PRKN: variants seen among roughly 807,000 people sequenced by gnomAD.
PRKN encodes the protein parkin RBR E3 ubiquitin protein ligase.
In PRKN, 56 loss-of-function variants were observed where a neutral mutation model predicts 59.5. The ratio of observed to expected loss-of-function variants is 0.94; its 90% CI spans 0.76 to 1.18. PRKN has a LOEUF of 1.18. PRKN is among the 50% of genes most tolerant of loss of function. The pLI, the probability that PRKN is intolerant of heterozygous loss-of-function variation, is 0.00. For missense variants in PRKN, 657 were observed against 596.4 expected (o/e 1.10, Z -1.06); for synonymous variants, 250 against 222.1 (o/e 1.13, Z -1.12).
chr6:161,357,177 A>G lies in PRKN; in HGVS notation c.1285+2911T>C, dbSNP rs545223216. The stretch of plus-strand genomic sequence containing the variant: ...AGTAATTCTCCTGCCTCAGGTTCCC[A>G]AGCAGTTGGGACTACAGGCATGTAC... On this transcript the variant is annotated intron_variant, in intron 11 of 11. Coordinates refer to ENST00000366898, the MANE Select transcript of PRKN (RefSeq NM_004562.3). The surrounding 1 kb of genome is among the most constrained non-coding windows in gnomAD (Gnocchi z 5.5). 1.7e-4 allele frequency among the ~76,000 whole-genome samples: 26 copies of G among 150,282 alleles called. No individual in the cohort carries two copies. Among genetic ancestry groups the G allele is most frequent in the African/African-American group, 6.4e-4 (26 of 40,794 alleles).
At chr6:162,500,956 G>A (rs543703920) in intron 1 of PRKN, among the ~76,000 whole-genome samples, 21 of 152,182 alleles carry the variant, frequency 1.4e-4, no homozygotes, top group African/African-American at 4.6e-4. Context: ...GCTTGAGGCC[G>A]GGAGTTTGAG....
At chr6:162,321,817 C>T (rs777549948) in intron 2 of PRKN, among the ~76,000 whole-genome samples, 20 of 151,914 alleles carry the variant, frequency 1.3e-4, no homozygotes, top group Admixed American at 6.6e-5. Flanking sequence ...CTGTCTTATA[C>T]AGTCCCACAG....
chr6:162,328,602 T>C (rs1783421257), intron 2 of PRKN, among the ~76,000 whole-genome samples: 2 of 152,156 alleles, frequency 1.3e-5, no homozygotes, highest in South Asian at 4.1e-4. Context: ...ACGTATCTTA[T>C]AAGTGCTGAG....
rs951463434 is a variant in PRKN, at chr6:161,414,327, C to A, written c.1084-27450G>T. 1.4e-4 allele frequency among the ~76,000 whole-genome samples: 22 copies of A among 152,272 alleles called. No homozygotes were observed. The highest frequency in any genetic ancestry group is 4.8e-4 in the African/African-American group (20 of 41,544). ...AGCGGCCAGTCTCTGTGTTCTCGGG[C>A]GCTCTGTGTCAGGTCCTGGTATTTA... On this transcript the variant is annotated intron_variant, in intron 9 of 11. Transcript: ENST00000366898. The surrounding 1 kb of genome is among the most constrained non-coding windows in gnomAD (Gnocchi z 5.3).
chr6:162,622,600 A>C (rs917027666), intron 1 of PRKN, among the ~76,000 whole-genome samples: 2 of 152,156 alleles, frequency 1.3e-5, no homozygotes, highest in Non-Finnish European at 2.9e-5. Context: ...TTCTAAATAC[A>C]GTTTTTCCCT....
rs554495976 is a variant in PRKN at position 161,696,000 on chromosome 6, A to G, written c.871+89772T>C. Among the ~76,000 whole-genome samples, 104 of 152,368 alleles carry G rather than the reference A, an allele frequency of 6.8e-4. 1 individual carries two copies. The highest frequency in any genetic ancestry group is 3.4e-3 in the Middle Eastern group (1 of 294). On this transcript the variant is annotated intron_variant, in intron 7 of 11. Coordinates refer to ENST00000366898, the MANE Select transcript of PRKN (RefSeq NM_004562.3). ...AGGCCATGCATTCTCATATCTGCATAGAACATCCAAGCATTACATACGTCT... is the reference window on the plus strand; with the variant it reads ...AGGCCATGCATTCTCATATCTGCATGGAACATCCAAGCATTACATACGTCT...
At chr6:162,448,856 CCTT>C (rs762253497) in intron 1 of PRKN, among the ~76,000 whole-genome samples, 22 of 150,550 alleles carry the variant, frequency 1.5e-4, no homozygotes, top group Non-Finnish European at 2.8e-4. Context: ...CTCCCTCCCT[CCTT>C]TATTTCTTTC....
chr6:161,859,863 A>G (rs542061278), intron 6 of PRKN, among the ~76,000 whole-genome samples: 1 of 152,312 alleles, frequency 6.6e-6, no homozygotes, highest in East Asian at 1.9e-4. Flanking sequence ...TATATAAAGC[A>G]ACAATAATGG....
chr6:162,368,127 T>G (rs375595214), intron 2 of PRKN, among the ~76,000 whole-genome samples: 39 of 152,096 alleles, frequency 2.6e-4, no homozygotes, highest in African/African-American at 7.5e-4. Flanking sequence ...AAATACAGTT[T>G]CCTCCCGAGC....
intron 2 of PRKN, among the ~76,000 whole-genome samples, chr6:162,283,842 C>T (rs535225974): frequency 6.6e-5 from 10 of 152,230 alleles, no homozygotes; most frequent in Admixed American, 5.2e-4. Flanking sequence ...GATCCTGACC[C>T]CTGCTTGATG....
intron 11 of PRKN, among the ~76,000 whole-genome samples, chr6:161,350,720 T>A (rs1463305096): frequency 0.028 from 4 of 144 alleles, no homozygotes; most frequent in Non-Finnish European, 0.083. Context: ...TATATATTTT[T>A]ATATATTTAT....
At chr6:162,042,225 CATTT>C (rs2128282269) in intron 5 of PRKN, among the ~76,000 whole-genome samples, 1 of 151,902 alleles carries the variant, frequency 6.6e-6, no homozygotes, top group Admixed American at 6.6e-5. Context: ...ATGAAACAAA[CATTT>C]ATTTTATTGA....
chr6:162,414,534 C>CT (rs1382650986), intron 2 of PRKN, among the ~76,000 whole-genome samples: 1 of 150,982 alleles, frequency 6.6e-6, no homozygotes, highest in Non-Finnish European at 1.5e-5. Flanking sequence ...GGTGAAACCC[C>CT]TATCTCTACT....
intron 6 of PRKN, among the ~76,000 whole-genome samples, chr6:161,826,345 C>A (rs915890561): frequency 6.6e-6 from 1 of 151,970 alleles, no homozygotes; most frequent in Non-Finnish European, 1.5e-5. Flanking sequence ...TAAAAATGAG[C>A]TTTATTTTGA....
chr6:162,287,723 G>T (rs1305320496), intron 2 of PRKN, among the ~76,000 whole-genome samples: 1 of 152,044 alleles, frequency 6.6e-6, no homozygotes, highest in African/African-American at 2.4e-5. Context: ...GGATTAACTG[G>T]GAGGGTTACA....
At chr6:161,974,734 TA>T (rs1270009688) in intron 5 of PRKN, among the ~76,000 whole-genome samples, 1 of 152,330 alleles carries the variant, frequency 6.6e-6, no homozygotes, top group African/African-American at 2.4e-5. Context: ...CACATACTCC[TA>T]ATTCCACTTG....
chr6:161,542,517 C>T (rs916759888), intron 9 of PRKN, among the ~76,000 whole-genome samples: 2 of 152,248 alleles, frequency 1.3e-5, no homozygotes, highest in African/African-American at 4.8e-5. Flanking sequence ...CTTTGCACTT[C>T]AAGCTGTCTC....
intron 6 of PRKN, among the ~76,000 whole-genome samples, chr6:161,816,726 T>G (rs1791798581): frequency 9.7e-6 from 1 of 102,814 alleles, no homozygotes; most frequent in Non-Finnish European, 2.2e-5. Flanking sequence ...AGACTCCATC[T>G]CAAAAAAAAA....
chr6:162,472,891 T>C (rs185079911), intron 1 of PRKN, among the ~76,000 whole-genome samples: 436 of 151,378 alleles, frequency 2.9e-3, no homozygotes, highest in African/African-American at 9.9e-3. Context: ...GAAATGTGTG[T>C]GTGGCCTGAA....
Sources: allele counts gnomAD v4.1 joint callset (sites outside exome capture counted in the v4.1 genomes callset), GRCh38; gene constraint gnomAD v4.1.1; non-coding constraint Gnocchi (gnomAD v3.1); transcripts MANE v1.5; gene names NCBI Gene and HGNC (gene_info 2026-07-23, HGNC 2026-07-21).